The following CRACR2A variants were observed in gnomAD, a reference collection of about 807,000 sequenced individuals.
The protein encoded by CRACR2A is EF-hand calcium-binding domain-containing protein 4B.
In CRACR2A, 79 loss-of-function variants were observed where a neutral mutation model predicts 90.5. The observed-to-expected ratio is 0.87, with a 90% confidence interval of 0.73 to 1.05. The LOEUF (loss-of-function observed/expected upper bound fraction) is 1.05, where lower values mean the gene tolerates loss of function less well. CRACR2A is among the 50% of genes least tolerant of loss of function. The pLI, the probability that CRACR2A is intolerant of heterozygous loss-of-function variation, is 0.00. For missense variants in CRACR2A, 823 were observed against 897.2 expected (o/e 0.92, Z 1.06); for synonymous variants, 338 against 356.7 (o/e 0.95, Z 0.59).
intron 3 of CRACR2A, among the ~76,000 whole-genome samples, chr12:3,708,857 C>T (rs1302957396): frequency 6.6e-6 from 1 of 152,160 alleles, no homozygotes; most frequent in Non-Finnish European, 1.5e-5. Flanking sequence ...GATATATTCT[C>T]CCAGTTCCAA....
chr12:3,744,515 G>A (rs969954210), intron 1 of CRACR2A, among the ~76,000 whole-genome samples: 24 of 152,144 alleles, frequency 1.6e-4, no homozygotes, highest in African/African-American at 5.6e-4. Flanking sequence ...ACACTGCCTC[G>A]GGTATGTTAC....
chr12:3,650,627 G>A (rs956633939), intron 10 of CRACR2A, among the ~76,000 whole-genome samples: 5 of 152,052 alleles, frequency 3.3e-5, no homozygotes, highest in African/African-American at 1.2e-4. Context: ...TGTGCTTTAG[G>A]GTCCCCCCAC....
rs139185421 is a variant in CRACR2A at position 3,711,853 on chromosome 12, T to C, written c.-37+1384A>G. On this transcript the variant is annotated intron_variant, in intron 3 of 19. Transcript: ENST00000440314. This position sits in a 1 kb window ranked among gnomAD's most constrained non-coding sequence, Gnocchi z 4.3. ...TACAAGATGCTATACTGAGGTGGAA[T>C]AAAAGGCCATCCAAAGGGCTAAATT... is the stretch of plus-strand genomic sequence containing the variant. Among the ~76,000 whole-genome samples, 1 of 152,222 alleles carries C rather than the reference T, an allele frequency of 6.6e-6. No individual in the cohort carries two copies. Among genetic ancestry groups the C allele is most frequent in the Non-Finnish European group, 1.5e-5 (1 of 68,046 alleles).
At chr12:3,664,835 CCT>C (rs1024569538) in intron 7 of CRACR2A, among the ~76,000 whole-genome samples, 1 of 152,166 alleles carries the variant, frequency 6.6e-6, no homozygotes, top group African/African-American at 2.4e-5. Context: ...GGCGAAATCC[CCT>C]CTCTGCTAAA....
At chr12:3,706,942 C>T (rs1591702354) in intron 3 of CRACR2A, among the ~76,000 whole-genome samples, 2 of 152,252 alleles carry the variant, frequency 1.3e-5, no homozygotes, top group Non-Finnish European at 2.9e-5. Flanking sequence ...AAATTGGCTT[C>T]CTCCACCTCA....
chr12:3,720,463 G>GAA (rs1946152796), intron 2 of CRACR2A, among the ~76,000 whole-genome samples: 1 of 144,852 alleles, frequency 6.9e-6, no homozygotes, highest in Non-Finnish European at 1.5e-5. Flanking sequence ...AAGAAAGAAA[G>GAA]AAAGCAAAAG....
intron 1 of CRACR2A, among the ~76,000 whole-genome samples, chr12:3,745,174 G>T (rs1946590940): frequency 6.6e-6 from 1 of 152,016 alleles, no homozygotes; most frequent in African/African-American, 2.4e-5. Context: ...TCTGTATCCG[G>T]GGTGTCTGTT....
chr12:3,617,915 C>T (rs1428583354), intron 18 of CRACR2A, among the ~76,000 whole-genome samples: 4 of 152,196 alleles, frequency 2.6e-5, no homozygotes, highest in Admixed American at 2.6e-4. Flanking sequence ...CGACCCTCTG[C>T]CCTTTTCACC....
At chr12:3,643,848 T>TTTATATTATATATAAATATATATAA (rs1944626315) in intron 12 of CRACR2A, among the ~76,000 whole-genome samples, 1 of 61,434 alleles carries the variant, frequency 1.6e-5, no homozygotes. Context: ...ATAATATATA[T>TTTATATTATATATAAATATATATAA]TATATATTTA....
intron 17 of CRACR2A, among the ~76,000 whole-genome samples, chr12:3,625,696 C>T (rs976661510): frequency 6.6e-6 from 1 of 150,566 alleles, no homozygotes; most frequent in African/African-American, 2.5e-5. Context: ...AAAGGCAAGG[C>T]AGCTCTGACG....
At chr12:3,655,358 G>T (rs1944882661) in intron 9 of CRACR2A, among the ~76,000 whole-genome samples, 1 of 152,236 alleles carries the variant, frequency 6.6e-6, no homozygotes, top group Non-Finnish European at 1.5e-5. Context: ...TCCCGGAGTA[G>T]AAATCATCTT....
At chr12:3,738,084 T>G (rs1244968555) in intron 1 of CRACR2A, among the ~76,000 whole-genome samples, 1 of 152,240 alleles carries the variant, frequency 6.6e-6, no homozygotes, top group Non-Finnish European at 1.5e-5. Flanking sequence ...ATTCAGTACA[T>G]GTGGGCAATT....
chr12:3,683,272 T>C (rs1022675280), intron 4 of CRACR2A, among the ~76,000 whole-genome samples: 15 of 152,160 alleles, frequency 9.9e-5, no homozygotes, highest in Non-Finnish European at 1.8e-4. Context: ...ATTCATTCTG[T>C]TATTCCCTCA....
intron 3 of CRACR2A, among the ~76,000 whole-genome samples, chr12:3,698,479 G>C (rs1945779977): frequency 6.6e-6 from 1 of 152,200 alleles, no homozygotes; most frequent in African/African-American, 2.4e-5. Flanking sequence ...AACCAGATTT[G>C]TCAAGAGCTG....
chr12:3,676,536 A>G (rs577454944), intron 6 of CRACR2A, among the ~76,000 whole-genome samples: 15 of 151,696 alleles, frequency 9.9e-5, no homozygotes, highest in Non-Finnish European at 2.1e-4. Context: ...AGCCCTCACG[A>G]ATGGCACTAG....
At chr12:3,659,758 G>A in intron 7 of CRACR2A, 104 bp from the exon 8 acceptor site, 1 of 877,546 alleles carries the variant, frequency 1.1e-6, no homozygotes, top group Admixed American at 1.9e-5. Context: ...CTGTGGGTGT[G>A]GGGGTGACAG....
chr12:3,647,015 G>A (rs1944698067), intron 11 of CRACR2A, among the ~76,000 whole-genome samples: 1 of 152,172 alleles, frequency 6.6e-6, no homozygotes, highest in Admixed American at 6.5e-5. Context: ...GAGAGGAAGT[G>A]CTGGGTTTTG....
chr12:3,694,226 T>G (rs1320716508), intron 4 of CRACR2A, among the ~76,000 whole-genome samples: 1 of 152,216 alleles, frequency 6.6e-6, no homozygotes, highest in Non-Finnish European at 1.5e-5. Context: ...TGCGTCTAGT[T>G]GGCCATGTTG....
intron 10 of CRACR2A, among the ~76,000 whole-genome samples, chr12:3,650,944 T>C (rs1944783904): frequency 6.6e-6 from 1 of 152,220 alleles, no homozygotes; most frequent in South Asian, 2.1e-4. Flanking sequence ...TTCAGAAATA[T>C]ATTTTTGTGT....
Sources: gnomAD v4.1 joint callset for allele counts (sites outside exome capture counted in the v4.1 genomes callset) on GRCh38, gnomAD v4.1.1 for gene constraint, Gnocchi (gnomAD v3.1) non-coding constraint, MANE v1.5 for transcripts, NCBI Gene and HGNC (gene_info 2026-07-23, HGNC 2026-07-21) for gene names.